Variants in PXDN observed in about 807,000 individuals in gnomAD.
PXDN encodes peroxidasin.
In PXDN, 77 loss-of-function variants were observed where a neutral mutation model predicts 140.3. That is an observed-to-expected ratio of 0.55 (90% confidence interval 0.46 to 0.66). The LOEUF (loss-of-function observed/expected upper bound fraction) is 0.66, where lower values mean the gene tolerates loss of function less well. PXDN is among the 30% of genes least tolerant of loss of function. The pLI, the probability that PXDN is intolerant of heterozygous loss-of-function variation, is 0.00. For synonymous variants in PXDN, 911 were observed against 857.4 expected (o/e 1.06, Z -1.09); for missense variants, 1,838 against 2,039.5 (o/e 0.90, Z 1.90).
intron 1 of PXDN, among the ~76,000 whole-genome samples, chr2:1,705,518 C>A (rs1684577416): frequency 6.8e-6 from 1 of 148,032 alleles, no homozygotes; most frequent in Admixed American, 6.7e-5. Flanking sequence ...ACCTGGGATG[C>A]AGGGTACAGA....
intron 14 of PXDN, among the ~76,000 whole-genome samples, chr2:1,655,034 C>T (rs1220894899): frequency 1.3e-5 from 2 of 152,120 alleles, no homozygotes; most frequent in African/African-American, 2.4e-5. Context: ...ACACACCACA[C>T]ACCACACACA....
At chr2:1,743,682 AG>A (rs1216823178) in intron 1 of PXDN, among the ~76,000 whole-genome samples, 7 of 16,800 alleles carry the variant, frequency 4.2e-4, no homozygotes, top group Non-Finnish European at 5.8e-4. Context: ...AGGAGGAGGA[AG>A]GGGAGGAGGA....
rs116111454 is a variant in PXDN at position 1,730,878 on chromosome 2, A to G, written c.200+13378T>C. Among the ~76,000 whole-genome samples the G allele has an allele frequency of 1.3e-3, 202 of 152,230 alleles. 1 individual carries two copies. The highest frequency in any genetic ancestry group is 4.4e-3 in the African/African-American group (181 of 41,512). ...ATTCTACCCTTAGCGCAATAATCAC[A>G]CTGGGCCATGATGCATAAACAAACT... On this transcript the variant is annotated intron_variant, in intron 1 of 22. Transcript: ENST00000252804.
rs1684847401 is a variant in PXDN at position 1,714,235 on chromosome 2, C to A, written c.201-21101G>T. On this transcript the variant is annotated intron_variant, in intron 1 of 22. Coordinates refer to ENST00000252804, the MANE Select transcript of PXDN (RefSeq NM_012293.3). This position sits in a 1 kb window ranked among gnomAD's most constrained non-coding sequence, Gnocchi z 4.3. ...GGATTTACACGTCACACCCGCAGCA[C>A]CCTTGCGTAGGTAGTTGAGGGGTCA... 4.6e-5 allele frequency among the ~76,000 whole-genome samples: 7 copies of A among 152,236 alleles called. No individual in the cohort carries two copies. Among genetic ancestry groups the A allele is most frequent in the Admixed American group, 4.6e-4 (7 of 15,284 alleles).
At chr2:1,694,628 T>A (rs747142403) in intron 1 of PXDN, among the ~76,000 whole-genome samples, 1 of 152,208 alleles carries the variant, frequency 6.6e-6, no homozygotes, top group Non-Finnish European at 1.5e-5. Context: ...ACCCTCCCCC[T>A]GCACCGCCAT....
intron 1 of PXDN, among the ~76,000 whole-genome samples, chr2:1,740,769 C>T (rs968930691): frequency 1.1e-4 from 17 of 152,128 alleles, no homozygotes; most frequent in Non-Finnish European, 2.1e-4. Flanking sequence ...CTGTGGGTGG[C>T]CCAACACCCA....
intron 1 of PXDN, among the ~76,000 whole-genome samples, chr2:1,709,563 G>A (rs1047253028): frequency 2.0e-5 from 3 of 152,170 alleles, no homozygotes; most frequent in African/African-American, 4.8e-5. Flanking sequence ...CACTCTGAAG[G>A]TTCCAAAGTC....
At chr2:1,703,136 G>GT (rs1317369340) in intron 1 of PXDN, among the ~76,000 whole-genome samples, 2 of 30,320 alleles carry the variant, frequency 6.6e-5, no homozygotes, top group African/African-American at 1.5e-4. Flanking sequence ...TCCAGGTGAA[G>GT]GGGGGACAGC....
In PXDN at chr2:1,648,487, A is replaced by T; in HGVS notation, c.3293T>A (p.Leu1098His). 1 of 1,611,802 alleles carries T rather than the reference A, an allele frequency of 6.2e-7. No homozygotes were observed. Among genetic ancestry groups the T allele is most frequent in the Non-Finnish European group, 8.5e-7 (1 of 1,179,824 alleles). The change falls in exon 17 of 23, where the codon CTT (leucine) becomes CAT (histidine). Residue 1098 changes from leucine to histidine, a missense_variant. Physicochemically the swap from Leu to His is moderately conservative, Grantham distance 99 (BLOSUM62 -3). Transcript: ENST00000252804. The surrounding 1 kb of genome is among the most constrained non-coding windows in gnomAD (Gnocchi z 8.9). The stretch of plus-strand genomic sequence containing the variant: ...GAAGGGAGAGAAGAAAGCTTTGTGA[A>T]GGGGGAGGTGATCTTGTGCAATGGG... ...FQPIAQDHLP[L>H]HKAFFSPFRI...
rs1458767052 is a variant in PXDN at position 1,643,289 on chromosome 2, G to A, written c.3952+79C>T. On this transcript the variant is annotated intron_variant, in intron 19 of 22. Coordinates refer to ENST00000252804, the MANE Select transcript of PXDN (RefSeq NM_012293.3). ...AGTTTTCAAGATTAGGATGACATCT[G>A]CAGGTCATTAAGCACCCGCCAAGCA... The A allele has an allele frequency of 1.9e-5, 26 of 1,337,796 alleles. No homozygotes were observed. The South Asian group carries it at 3.2e-4, about 16-fold the overall frequency. 82.9% of individuals were successfully genotyped at this position (1,337,796 alleles called of 1,614,324 possible).
chr2:1,644,725 G>A lies in PXDN; in HGVS notation c.3636C>T (p.Asp1212=). 6.3e-7 allele frequency: 1 copy of A among 1,588,358 alleles called. No individual in the cohort carries two copies. The highest frequency in any genetic ancestry group is 8.6e-7 in the Non-Finnish European group (1 of 1,163,810). The change falls in exon 18 of 23, where the codon GAC becomes GAT. Residue 1212 remains aspartate, a synonymous_variant. Transcript: ENST00000252804. ...CCTCCACCACGAGCGCCGGAAACAG[G>A]TCGATGTTGAGTGTCGAGCCATACA... The part of the protein sequence containing the change: ...KRLYGSTLNI[D]LFPALVVEDL...
rs768290381 is a variant in PXDN, at chr2:1,648,510, G to A, written c.3270C>T (p.Pro1090=). 1 of 1,612,832 alleles carries A rather than the reference G, an allele frequency of 6.2e-7. No homozygotes were observed. Among genetic ancestry groups the A allele is most frequent in the Non-Finnish European group, 8.5e-7 (1 of 1,179,838 alleles). ...LLYRLDENFQ[P]IAQDHLPLHK... ...GAAGGGGGAGGTGATCTTGTGCAAT[G>A]GGCTGGAAGTTCTCGTCCAGCCGGT... is the stretch of plus-strand genomic sequence containing the variant. Residue 1090 remains proline (P), a synonymous_variant, in exon 17 of 23, where the codon CCC becomes CCT. Transcript: ENST00000252804. This position sits in a 1 kb window ranked among gnomAD's most constrained non-coding sequence, Gnocchi z 8.9.
intron 14 of PXDN, among the ~76,000 whole-genome samples, 159 bp from the exon 15 acceptor site, chr2:1,654,667 A>G (rs1683089984): frequency 6.6e-6 from 1 of 152,224 alleles, no homozygotes; most frequent in Non-Finnish European, 1.5e-5. Context: ...CACAAATTCT[A>G]CTAGAAGCCG....
chr2:1,643,220 T>C (rs1241134614), intron 19 of PXDN, 148 bp downstream of exon 19: 3 of 877,004 alleles, frequency 3.4e-6, no homozygotes, highest in African/African-American at 1.7e-5. Flanking sequence ...CATCTCAGCA[T>C]GGATACAGCA....
At chr2:1,692,077 C>A in intron 2 of PXDN, 78 bp from the exon 3 acceptor site, 3 of 1,089,948 alleles carry the variant, frequency 2.8e-6, no homozygotes, top group Non-Finnish European at 4.0e-6. Context: ...ATTCCGACAG[C>A]CTTGGAAAAG....
rs372463004 is a variant in PXDN at position 1,648,489 on chromosome 2, G to C, written c.3291C>G (p.Pro1097=). 1.9e-6 allele frequency: 3 copies of C among 1,611,960 alleles called. No individual in the cohort carries two copies. In the Admixed American group the frequency reaches 5.0e-5, roughly 27 times the overall value. Residue 1097 remains proline (P), a synonymous_variant, in exon 17 of 23, where the codon CCC becomes CCG. Coordinates refer to ENST00000252804, the MANE Select transcript of PXDN (RefSeq NM_012293.3). This position sits in a 1 kb window ranked among gnomAD's most constrained non-coding sequence, Gnocchi z 8.9. The part of the protein sequence containing the change: ...NFQPIAQDHL[P]LHKAFFSPFR... ...AGGGAGAGAAGAAAGCTTTGTGAAG[G>C]GGGAGGTGATCTTGTGCAATGGGCT...
Position 1,639,411 on chromosome 2 carries a change from T to C in PXDN, c.3964A>G (p.Arg1322Gly), listed in dbSNP as rs749300195. ...TAGGAAAAGGCATTGAACTGCCCCC[T>C]GGTCCTACAGTCTAAAATGGAAGCA... ...WQDCCEDCRT[R>G]GQFNAFSYHF... Residue 1322 changes from arginine (R) to glycine (G), a missense_variant, in exon 20 of 23, where the codon AGG becomes GGG. This residue lies in a region of PXDN where 850 missense variants were observed against 894.1 expected (regional missense o/e 0.95). Transcript: ENST00000252804. The surrounding 1 kb of genome is among the most constrained non-coding windows in gnomAD (Gnocchi z 5.0). The C allele has an allele frequency of 6.2e-7, 1 of 1,614,000 alleles. No homozygotes were observed. The highest frequency in any genetic ancestry group is 8.5e-7 in the Non-Finnish European group (1 of 1,179,882).
In PXDN at chr2:1,677,754, G is replaced by T. The variant is rs143573143; in HGVS notation, c.731-710C>A. Among the ~76,000 whole-genome samples, 1,365 of 152,312 alleles carry T rather than the reference G, an allele frequency of 9.0e-3. 13 individuals carry two copies. The highest frequency in any genetic ancestry group is 0.012 in the Non-Finnish European group (828 of 68,032). Reference sequence around the variant, plus strand: ...CTCTAAGGCTCCCCTCAGCAGCCATGAGGGAACCACACCAAGGGCAGGCCT... The same window carrying T: ...CTCTAAGGCTCCCCTCAGCAGCCATTAGGGAACCACACCAAGGGCAGGCCT... On this transcript the variant is annotated intron_variant, in intron 7 of 22. Coordinates refer to ENST00000252804, the MANE Select transcript of PXDN (RefSeq NM_012293.3).
At chr2:1,699,101 C>T (rs1419879597) in intron 1 of PXDN, among the ~76,000 whole-genome samples, 1 of 152,130 alleles carries the variant, frequency 6.6e-6, no homozygotes, top group Non-Finnish European at 1.5e-5. Context: ...ATCAAAATCA[C>T]AAGTCACTGC....
Sources: allele counts gnomAD v4.1 joint callset (sites outside exome capture counted in the v4.1 genomes callset), GRCh38; gene constraint gnomAD v4.1.1; regional missense constraint gnomAD v4.1.1; non-coding constraint Gnocchi (gnomAD v3.1); transcripts MANE v1.5; gene names NCBI Gene and HGNC (gene_info 2026-07-23, HGNC 2026-07-21).